The following ELAC2 variants were observed in gnomAD, a reference collection of about 807,000 sequenced individuals.
ELAC2 encodes the protein zinc phosphodiesterase ELAC protein 2.
Under a neutral mutation model 105.2 loss-of-function variants are expected in ELAC2, and 92 were observed. The observed-to-expected ratio is 0.87, with a 90% CI of 0.74 to 1.04. The LOEUF is 1.04. Ranked by LOEUF, ELAC2 falls within the 50% of genes least tolerant of loss-of-function variation. ELAC2 has a pLI of 0.00. For synonymous variants in ELAC2, 468 were observed against 409.1 expected, an observed-to-expected ratio of 1.14 and a Z score of -1.74; for missense variants, 1,099 against 1,071.7, an observed-to-expected ratio of 1.03 and a Z score of -0.36.
chr17:13,006,152 C>T, intron 8 of ELAC2, 173 bp from the exon 9 acceptor site: 2 of 685,346 alleles, frequency 2.9e-6, no homozygotes, highest in South Asian at 3.2e-5. Flanking sequence ...GGGCAGATCA[C>T]CTGAGGTCAG....
chr17:13,004,968 A>G, intron 11 of ELAC2, 21 bp downstream of exon 11: 1 of 1,582,328 alleles, frequency 6.3e-7, no homozygotes, highest in Non-Finnish European at 8.7e-7. Flanking sequence ...CACTTCTCCC[A>G]CCCTAGAGAC....
In ELAC2 at chr17:13,017,062, C is replaced by T. The variant is rs1472556568; in HGVS notation, c.296+9G>A. 8 of 1,613,990 alleles carry T rather than the reference C, an allele frequency of 5.0e-6. No individual in the cohort carries two copies. In the African/African-American group the frequency reaches 8.0e-5, roughly 16 times the overall value. On this transcript the variant is annotated intron_variant, in intron 2 of 23. Coordinates refer to ENST00000338034, the MANE Select transcript of ELAC2 (RefSeq NM_018127.7). ...CAACTCCCCCTCCGAAAGCAAGAGA[C>T]TGACTCACTTGTGCTCCTGCATGAG...
intron 14 of ELAC2, among the ~76,000 whole-genome samples, chr17:13,001,576 T>C (rs1267297735): frequency 6.6e-6 from 1 of 152,154 alleles, no homozygotes; most frequent in Non-Finnish European, 1.5e-5. Context: ...ACTTTCCTGG[T>C]TGGATTGTAC....
intron 6 of ELAC2, 62 bp downstream of exon 6, chr17:13,013,145 T>C (rs2143669203): frequency 1.3e-6 from 2 of 1,578,598 alleles, no homozygotes; most frequent in Non-Finnish European, 1.7e-6. Flanking sequence ...TCTATTTTCA[T>C]CCATGTTTTC....
At chr17:12,999,478 G>A (rs78898076) in intron 15 of ELAC2, among the ~76,000 whole-genome samples, 3 of 152,168 alleles carry the variant, frequency 2.0e-5, no homozygotes, top group Admixed American at 6.5e-5. Context: ...GTTGAGTGAC[G>A]TGGCCAAGAT....
At chr17:13,010,256 C>T (rs895674006) in intron 8 of ELAC2, among the ~76,000 whole-genome samples, 3 of 152,192 alleles carry the variant, frequency 2.0e-5, no homozygotes, top group East Asian at 3.9e-4. Context: ...CTGCAACCTC[C>T]GCCTCCTGTG....
chr17:13,014,566 T>A, intron 4 of ELAC2, 70 bp from the exon 5 acceptor site: 1 of 1,153,598 alleles, frequency 8.7e-7, no homozygotes, highest in Non-Finnish European at 1.3e-6. Context: ...TTCAAGTATT[T>A]AAAAGGTTAC....
intron 8 of ELAC2, among the ~76,000 whole-genome samples, chr17:13,007,598 T>C (rs2041179523): frequency 6.6e-6 from 1 of 152,122 alleles, no homozygotes; most frequent in Admixed American, 6.5e-5. Flanking sequence ...GTACTTGCTG[T>C]TGGGGGCAGT....
intron 8 of ELAC2, 37 bp downstream of exon 8, chr17:13,010,576 C>T (rs2041362229): frequency 1.2e-6 from 2 of 1,602,890 alleles, no homozygotes; most frequent in Non-Finnish European, 8.5e-7. Context: ...TGACCAAGAC[C>T]CCAGTCATGT....
chr17:13,015,577 G>A (rs1240584087), intron 4 of ELAC2, among the ~76,000 whole-genome samples, 191 bp downstream of exon 4: 2 of 152,190 alleles, frequency 1.3e-5, no homozygotes, highest in African/African-American at 4.8e-5. Flanking sequence ...CTAAAGCTCA[G>A]AAAGGTAAAG....
rs6502224 is a variant in ELAC2 at position 12,992,277 on chromosome 17, A to C, written c.*541T>G. 6.6e-3 allele frequency: 1,588 copies of C among 241,292 alleles called. 23 individuals carry two copies. The highest frequency in any genetic ancestry group is 0.032 in the African/African-American group (1,467 of 45,516). 14.9% of individuals were successfully genotyped at this position (241,292 alleles called of 1,614,324 possible). On this transcript the variant is annotated 3_prime_UTR_variant, in exon 24 of 24. Coordinates refer to ENST00000338034, the MANE Select transcript of ELAC2 (RefSeq NM_018127.7). ...CTACGACGGGAGCTGACTTCTTCCAAGCCACCCGGGTACCAGGCAGCTGCC... is the reference window on the plus strand; with the variant it reads ...CTACGACGGGAGCTGACTTCTTCCACGCCACCCGGGTACCAGGCAGCTGCC...
intron 6 of ELAC2, among the ~76,000 whole-genome samples, chr17:13,012,642 T>C (rs2041482794): frequency 6.6e-6 from 1 of 152,166 alleles, no homozygotes; most frequent in African/African-American, 2.4e-5. Context: ...TCACATTAGT[T>C]AGTACTAACA....
At position 13,005,026 on chromosome 17, in the gene ELAC2, A is replaced by C. The variant is rs752823935; in HGVS notation, c.946T>G (p.Phe316Val). The C allele has an allele frequency of 4.3e-6, 7 of 1,614,142 alleles. No individual in the cohort carries two copies. The highest frequency in any genetic ancestry group is 5.9e-6 in the Non-Finnish European group (7 of 1,180,000). The change falls in exon 11 of 24, where the codon TTC becomes GTC. Residue 316 changes from phenylalanine to valine, a missense_variant. Transcript: ENST00000338034. ...FVVVECPDES[F>V]IQPICENATF... The stretch of plus-strand genomic sequence containing the variant: ...GCATTCTCACAGATGGGTTGAATGA[A>C]GCTTTCATCTGGACATTCTACCACC...
At position 13,016,942 on chromosome 17, in the gene ELAC2, A is replaced by C. The variant is rs1471951454; in HGVS notation, c.297-10T>G. The C allele has an allele frequency of 8.1e-6, 13 of 1,613,874 alleles. No homozygotes were observed. Among genetic ancestry groups the C allele is most frequent in the Non-Finnish European group, 1.1e-5 (13 of 1,179,960 alleles). On this transcript the variant is annotated splice_polypyrimidine_tract_variant and intron_variant, in intron 2 of 23. Transcript: ENST00000338034. ...GCGAGCAACCTTTAACCTAAGAATG[A>C]AAAAACATTTAAACAGGATAACATG...
In ELAC2 at chr17:13,002,397, G is replaced by A. The variant is rs769075106; in HGVS notation, c.1219-38C>T. ...AAACACATTCATGGAGAGAAAGAGA[G>A]GGGACGAGAGCTGGGCCGACAAGGG... On this transcript the variant is annotated intron_variant, in intron 13 of 23. Coordinates refer to ENST00000338034, the MANE Select transcript of ELAC2 (RefSeq NM_018127.7). The A allele has an allele frequency of 1.9e-6, 3 of 1,614,156 alleles. No homozygotes were observed. In the South Asian group the frequency reaches 3.3e-5, roughly 18 times the overall value.
chr17:13,005,683 G>C, intron 10 of ELAC2, 70 bp downstream of exon 10: 1 of 1,533,032 alleles, frequency 6.5e-7, no homozygotes, highest in Non-Finnish European at 9.0e-7. Context: ...AGGGCCTGAA[G>C]AAGACAGACT....
chr17:13,011,255 C>T (rs2041395266), intron 7 of ELAC2, among the ~76,000 whole-genome samples: 1 of 152,232 alleles, frequency 6.6e-6, no homozygotes, highest in Non-Finnish European at 1.5e-5. Context: ...AGTGGGCTGT[C>T]ATTCTGGAAG....
In ELAC2 at chr17:12,998,449, T is replaced by C; in HGVS notation, c.1483A>G (p.Lys495Glu). 3 of 1,614,204 alleles carry C rather than the reference T, an allele frequency of 1.9e-6. No individual in the cohort carries two copies. The highest frequency in any genetic ancestry group is 2.5e-6 in the Non-Finnish European group (3 of 1,180,032). ...FLGTGSAIPM[K>E]IRNVSATLVN... Reference sequence around the variant, plus strand: ...AGTGTGGCACTGACATTTCGAATCTTCATCGGGATGGCAGACCCTGTTCCA... The same window carrying C: ...AGTGTGGCACTGACATTTCGAATCTCCATCGGGATGGCAGACCCTGTTCCA... The change falls in exon 16 of 24, where the codon AAG becomes GAG. Residue 495 changes from lysine to glutamate, a missense_variant. By Grantham distance (56) the Lys-to-Glu change is moderately conservative. Coordinates refer to ENST00000338034, the MANE Select transcript of ELAC2 (RefSeq NM_018127.7).
At chr17:13,012,189 A>G (rs1412095116) in intron 6 of ELAC2, among the ~76,000 whole-genome samples, 2 of 152,248 alleles carry the variant, frequency 1.3e-5, no homozygotes, top group African/African-American at 4.8e-5. Flanking sequence ...GCTAAAGCAC[A>G]GCTGCAACGA....
Sources: allele counts gnomAD v4.1 joint callset (sites outside exome capture counted in the v4.1 genomes callset), GRCh38; gene constraint gnomAD v4.1.1; transcripts MANE v1.5; gene names NCBI Gene and HGNC (gene_info 2026-07-23, HGNC 2026-07-21).